NECAB2: variants seen among roughly 807,000 people sequenced by gnomAD.
NECAB2 encodes N-terminal EF-hand calcium binding protein 2, also known as N-terminal EF-hand calcium-binding protein 2.
NECAB2 carries 68 observed loss-of-function variants against 51.9 expected under a neutral mutation model. The observed-to-expected ratio is 1.31, with a 90% CI of 1.08 to 1.60. NECAB2 has a LOEUF of 1.60. Among genes scored for constraint, NECAB2 ranks in the 40% most tolerant of loss-of-function variants. The pLI, the probability that NECAB2 is intolerant of heterozygous loss-of-function variation, is 0.00. For synonymous variants in NECAB2, 329 were observed against 203.5 expected, an observed-to-expected ratio of 1.62 and a Z score of -5.25; for missense variants, 854 against 490.3, an observed-to-expected ratio of 1.74 and a Z score of -7.00.
At chr16:84,000,968 C>T (rs1002057832) in intron 11 of NECAB2, among the ~76,000 whole-genome samples, 167 bp downstream of exon 11, 67 of 121,986 alleles carry the variant, frequency 5.5e-4, no homozygotes, top group African/African-American at 3.6e-3. Flanking sequence ...CTGGTGGAGG[C>T]AGGAGCTCTT....
chr16:83,990,473 C>T (rs2084608278), intron 5 of NECAB2, 21 bp from the exon 6 acceptor site: 2 of 1,613,254 alleles, frequency 1.2e-6, no homozygotes, highest in Non-Finnish European at 1.7e-6. Context: ...CCCCTCAGTG[C>T]CTCTTCTCTT....
chr16:84,001,986 C>A, intron 12 of NECAB2, 70 bp downstream of exon 12: 1 of 1,514,924 alleles, frequency 6.6e-7, no homozygotes, highest in Non-Finnish European at 9.0e-7. Flanking sequence ...TAGAGGCTGC[C>A]CCATATCTCC....
intron 6 of NECAB2, among the ~76,000 whole-genome samples, chr16:83,992,214 T>G (rs1597217026): frequency 1.9e-5 from 2 of 107,554 alleles, no homozygotes; most frequent in African/African-American, 1.6e-4. Flanking sequence ...TGTTTCTTTC[T>G]GGTCTTGTGT....
intron 3 of NECAB2, among the ~76,000 whole-genome samples, 169 bp from the exon 4 acceptor site, chr16:83,980,670 G>A (rs1318996935): frequency 6.6e-6 from 1 of 152,152 alleles, no homozygotes; most frequent in Non-Finnish European, 1.5e-5. Flanking sequence ...GCCTTCAGGG[G>A]CGGGGGTGTC....
chr16:83,996,799 G>C (rs1246229397), intron 8 of NECAB2, among the ~76,000 whole-genome samples: 1 of 152,192 alleles, frequency 6.6e-6, no homozygotes, highest in Non-Finnish European at 1.5e-5. Context: ...TCCCTGGGGA[G>C]TCTGGAAGAT....
chr16:83,995,873 C>T, intron 8 of NECAB2, among the ~76,000 whole-genome samples: 1 of 152,172 alleles, frequency 6.6e-6, no homozygotes, highest in East Asian at 1.9e-4. Context: ...CGGAGGGGAC[C>T]CCGTGGCCCG....
chr16:83,983,888 CAG>C (rs1318523869), intron 5 of NECAB2, among the ~76,000 whole-genome samples: 1 of 151,846 alleles, frequency 6.6e-6, no homozygotes, highest in Non-Finnish European at 1.5e-5. Flanking sequence ...GCTTGGGTCT[CAG>C]TGTTAAACAG....
chr16:83,982,685 C>A (rs1194255001), intron 5 of NECAB2, among the ~76,000 whole-genome samples: 1 of 152,140 alleles, frequency 6.6e-6, no homozygotes, highest in East Asian at 1.9e-4. Context: ...TTTTCAGGAA[C>A]ATAAGAGAGT....
intron 8 of NECAB2, 89 bp downstream of exon 8, chr16:83,994,777 C>T (rs1355775985): frequency 2.1e-6 from 3 of 1,429,076 alleles, no homozygotes; most frequent in African/African-American, 1.4e-5. Context: ...AAAGTCTGGG[C>T]TGCAGAGGGG....
intron 5 of NECAB2, among the ~76,000 whole-genome samples, chr16:83,983,980 A>G (rs72793613): frequency 0.075 from 7,760 of 103,994 alleles, 241 homozygotes; most frequent in African/African-American, 0.27. Context: ...TGTAAAATAC[A>G]TATATATATA....
chr16:84,001,759 A>G lies in NECAB2; in HGVS notation c.1041-66A>G, dbSNP rs1004824294. The G allele has an allele frequency of 1.2e-5, 18 of 1,557,412 alleles. No homozygotes were observed. In the African/African-American group the frequency reaches 2.3e-4, roughly 20 times the overall value. ...CCATTTTGGGCTAGAGCTAGGATTAACAGGGGAGCCACACGCGGAGCTCCA... is the reference window on the plus strand; with the variant it reads ...CCATTTTGGGCTAGAGCTAGGATTAGCAGGGGAGCCACACGCGGAGCTCCA... On this transcript the variant is annotated intron_variant, in intron 11 of 12. Coordinates refer to ENST00000305202, the MANE Select transcript of NECAB2 (RefSeq NM_019065.3).
intron 5 of NECAB2, among the ~76,000 whole-genome samples, chr16:83,986,039 G>A (rs79724762): frequency 0.036 from 5,514 of 151,730 alleles, 126 homozygotes; most frequent in South Asian, 0.067. Flanking sequence ...TTTTTGATAC[G>A]GAGTTTCTCT....
intron 3 of NECAB2, 105 bp from the exon 4 acceptor site, chr16:83,980,734 G>A: frequency 1.4e-6 from 2 of 1,434,764 alleles, no homozygotes; most frequent in East Asian, 2.5e-5. Context: ...CCAGCACACA[G>A]GCTGCAAAGA....
At chr16:83,997,574 G>T (rs1052677697) in intron 9 of NECAB2, among the ~76,000 whole-genome samples, 4 of 134,756 alleles carry the variant, frequency 3.0e-5, no homozygotes, top group Non-Finnish European at 4.6e-5. Context: ...TGCAACCTCT[G>T]CCTCCTGGGT....
At chr16:83,991,687 C>T (rs1348101889) in intron 6 of NECAB2, among the ~76,000 whole-genome samples, 3 of 151,904 alleles carry the variant, frequency 2.0e-5, no homozygotes, top group Admixed American at 1.3e-4. Context: ...CTTGCTGTGT[C>T]CCCCAGGCTG....
intron 9 of NECAB2, 73 bp from the exon 10 acceptor site, chr16:83,998,132 T>G: frequency 7.4e-7 from 1 of 1,356,242 alleles, no homozygotes; most frequent in African/African-American, 1.4e-5. Context: ...AGGGAGGTCA[T>G]GGGGGCCTGA....
chr16:83,997,988 C>A (rs1406299783), intron 9 of NECAB2, among the ~76,000 whole-genome samples: 1 of 152,110 alleles, frequency 6.6e-6, no homozygotes, highest in Non-Finnish European at 1.5e-5. Flanking sequence ...CGTCTGTTTT[C>A]CCCATTTTTG....
intron 6 of NECAB2, among the ~76,000 whole-genome samples, chr16:83,991,204 A>T (rs1430828879): frequency 6.6e-6 from 1 of 151,732 alleles, no homozygotes; most frequent in African/African-American, 2.4e-5. Context: ...GCTGGTCTTG[A>T]ACTCCTGGCC....
chr16:83,999,960 C>G (rs1463447180), intron 10 of NECAB2, among the ~76,000 whole-genome samples: 1 of 152,182 alleles, frequency 6.6e-6, no homozygotes, highest in Admixed American at 6.5e-5. Context: ...AAGCTCAGCT[C>G]ACTGCAACCT....
Sources: allele counts gnomAD v4.1 joint callset (sites outside exome capture counted in the v4.1 genomes callset), GRCh38; gene constraint gnomAD v4.1.1; transcripts MANE v1.5; gene names NCBI Gene and HGNC (gene_info 2026-07-23, HGNC 2026-07-21).